Variants in TAOK3 observed in about 807,000 individuals in gnomAD.
The protein encoded by TAOK3 is serine/threonine-protein kinase TAO3.
Under a neutral mutation model 120.4 loss-of-function variants are expected in TAOK3, and 40 were observed. The ratio of observed to expected loss-of-function variants is 0.33; its 90% CI spans 0.26 to 0.43. TAOK3 has a LOEUF of 0.43. TAOK3 is among the 20% of genes least tolerant of loss of function. TAOK3 has a pLI of 1.00. For synonymous variants in TAOK3, 355 were observed against 387.5 expected, an observed-to-expected ratio of 0.92 and a Z score of 0.99; for missense variants, 821 against 1,112.1, an observed-to-expected ratio of 0.74 and a Z score of 3.72.
At chr12:118,182,958 T>C (rs534978467) in intron 14 of TAOK3, among the ~76,000 whole-genome samples, 1 of 152,148 alleles carries the variant, frequency 6.6e-6, no homozygotes, top group African/African-American at 2.4e-5. Flanking sequence ...TATTAAATCT[T>C]TTGTGATTTT....
chr12:118,339,622 G>A, intron 1 of TAOK3, among the ~76,000 whole-genome samples: 1 of 150,978 alleles, frequency 6.6e-6, no homozygotes, highest in African/African-American at 2.4e-5. Context: ...CTGGAATGCA[G>A]TGGTGCGATC....
At chr12:118,350,373 AC>A (rs2045081741) in intron 1 of TAOK3, among the ~76,000 whole-genome samples, 1 of 150,154 alleles carries the variant, frequency 6.7e-6, no homozygotes. Context: ...ATCAGTATAC[AC>A]CCCTGTAAAG....
At chr12:118,298,946 T>A (rs2042778087) in intron 1 of TAOK3, among the ~76,000 whole-genome samples, 1 of 152,202 alleles carries the variant, frequency 6.6e-6, no homozygotes, top group South Asian at 2.1e-4. Flanking sequence ...GCCCATAATC[T>A]ATATCCTGGA....
chr12:118,343,908 A>C (rs2044738049), intron 1 of TAOK3, among the ~76,000 whole-genome samples: 2 of 151,888 alleles, frequency 1.3e-5, no homozygotes, highest in African/African-American at 4.8e-5. Context: ...GCTACTCAGG[A>C]GGCTGAGGCA....
In TAOK3 at chr12:118,309,084, T is replaced by C. The variant is rs1431084944; in HGVS notation, c.-193-42325A>G. Among the ~76,000 whole-genome samples the C allele has an allele frequency of 2.0e-5, 3 of 151,892 alleles. No individual in the cohort carries two copies. The East Asian group carries it at 5.8e-4, about 29-fold the overall frequency. On this transcript the variant is annotated intron_variant, in intron 1 of 20. Transcript: ENST00000392533. ...TGGCTCACGCCTGTAATCCCAGCAC[T>C]TTGGGAGGCCAAGGAGGGCGGGTCA...
chr12:118,216,843 G>T (rs1457345702), intron 9 of TAOK3, among the ~76,000 whole-genome samples: 3 of 151,040 alleles, frequency 2.0e-5, no homozygotes, highest in African/African-American at 7.3e-5. Flanking sequence ...GCAGGAGAAT[G>T]GCGTGAACCC....
chr12:118,284,054 T>A lies in TAOK3; in HGVS notation c.-193-17295A>T, dbSNP rs118033135. 6.8e-3 allele frequency among the ~76,000 whole-genome samples: 1,032 copies of A among 152,276 alleles called. 35 individuals carry two copies. Among genetic ancestry groups the A allele is most frequent in the Admixed American group, 0.045 (695 of 15,288 alleles). ...TACAGGCCGGACAAAGAATATTTTG[T>A]TTAAAAATATTGTGCACACATCACA... On this transcript the variant is annotated intron_variant, in intron 1 of 20. Transcript: ENST00000392533.
At chr12:118,156,841 G>A (rs1186956366) in intron 19 of TAOK3, among the ~76,000 whole-genome samples, 1 of 151,890 alleles carries the variant, frequency 6.6e-6, no homozygotes, top group Non-Finnish European at 1.5e-5. Flanking sequence ...GGGTCCAAGC[G>A]ATTCTCCCGC....
In TAOK3 at chr12:118,372,290, C is replaced by T. The variant is rs537349719; in HGVS notation, c.-194+358G>A. On this transcript the variant is annotated intron_variant, in intron 1 of 20. Transcript: ENST00000392533. The surrounding 1 kb of genome is among the most constrained non-coding windows in gnomAD (Gnocchi z 4.6). ...CCCTGACCTTTTCTGGGACCTGGTC[C>T]TTCAGGGGACCCCCTCCCCTCATCC... 6.6e-6 allele frequency among the ~76,000 whole-genome samples: 1 copy of T among 151,372 alleles called. No individual in the cohort carries two copies. The highest frequency in any genetic ancestry group is 6.6e-5 in the Admixed American group (1 of 15,222).
At position 118,372,106 on chromosome 12, in the gene TAOK3, G is replaced by A. The variant is rs2045915390; in HGVS notation, c.-194+542C>T. ...TCCCCTGTCTTCACATCCCCTGACC[G>A]GTCCCCTCTCTTTACTCTGTCCTGG... On this transcript the variant is annotated intron_variant, in intron 1 of 20. Transcript: ENST00000392533. The surrounding 1 kb of genome is among the most constrained non-coding windows in gnomAD (Gnocchi z 4.6). Among the ~76,000 whole-genome samples, 3 of 151,288 alleles carry A rather than the reference G, an allele frequency of 2.0e-5. No individual in the cohort carries two copies. In the South Asian group the frequency reaches 6.3e-4, roughly 32 times the overall value.
intron 1 of TAOK3, among the ~76,000 whole-genome samples, chr12:118,317,386 C>G (rs185322329): frequency 1.5e-3 from 224 of 151,386 alleles, no homozygotes; most frequent in African/African-American, 5.3e-3. Context: ...ACAAGCTCCG[C>G]CTTCTGGGTT....
At chr12:118,183,802 T>A (rs754447631) in intron 14 of TAOK3, among the ~76,000 whole-genome samples, 2 of 152,234 alleles carry the variant, frequency 1.3e-5, no homozygotes, top group African/African-American at 2.4e-5. Flanking sequence ...TATTTTAGCA[T>A]TCCTTCTTTA....
intron 1 of TAOK3, among the ~76,000 whole-genome samples, chr12:118,329,361 T>C (rs2044056377): frequency 6.6e-6 from 1 of 152,202 alleles, no homozygotes; most frequent in African/African-American, 2.4e-5. Flanking sequence ...ATTTGTGTCC[T>C]GAAGGATACG....
rs369429651 is a variant in TAOK3 at position 118,172,573 on chromosome 12, C to T, written c.1783G>A (p.Glu595Lys). Residue 595 changes from glutamate (E) to lysine (K), a missense_variant, in exon 17 of 21, where the codon GAA becomes AAA. Physicochemically the swap from Glu to Lys is moderately conservative, Grantham distance 56. This residue lies in a region of TAOK3 where 354 missense variants were observed against 572.1 expected (regional missense o/e 0.62). Coordinates refer to ENST00000392533, the MANE Select transcript of TAOK3 (RefSeq NM_016281.4). ...TGAGTGAGAAGGTGGGCTTCCTCTTCAGCCTGTGTGTGCTGCAAGTTCTCT... is the reference window on the plus strand; with the variant it reads ...TGAGTGAGAAGGTGGGCTTCCTCTTTAGCCTGTGTGTGCTGCAAGTTCTCT... ...HKENLQHTQA[E>K]EEAHLLTQQR... 2 of 1,614,222 alleles carry T rather than the reference C, an allele frequency of 1.2e-6. No individual in the cohort carries two copies. Among genetic ancestry groups the T allele is most frequent in the Non-Finnish European group, 1.7e-6 (2 of 1,180,034 alleles).
At chr12:118,175,115 C>G (rs1439451133) in intron 16 of TAOK3, among the ~76,000 whole-genome samples, 1 of 152,190 alleles carries the variant, frequency 6.6e-6, no homozygotes, top group Non-Finnish European at 1.5e-5. Context: ...ATTCTCTCTA[C>G]ACCCGGGTTT....
chr12:118,228,333 G>A (rs1266357816), intron 9 of TAOK3, among the ~76,000 whole-genome samples: 1 of 151,874 alleles, frequency 6.6e-6, no homozygotes, highest in Non-Finnish European at 1.5e-5. Flanking sequence ...TGTATTTTTA[G>A]TAGAGATGGG....
At chr12:118,164,544 A>C (rs2138471023) in intron 17 of TAOK3, among the ~76,000 whole-genome samples, 1 of 151,742 alleles carries the variant, frequency 6.6e-6, no homozygotes, top group South Asian at 2.1e-4. Context: ...CAGCCTCCCG[A>C]GTAGCTGGGA....
rs774825772 is a variant in TAOK3 at position 118,152,446 on chromosome 12, TGCCTACAGCCCTTGGTG to T, written c.2353-54_2353-38del. The T allele has an allele frequency of 4.7e-5, 74 of 1,571,970 alleles. No homozygotes were observed. The Middle Eastern group carries it at 7.2e-4, about 15-fold the overall frequency. On this transcript the variant is annotated intron_variant, in intron 19 of 20. Coordinates refer to ENST00000392533, the MANE Select transcript of TAOK3 (RefSeq NM_016281.4). ...GAAGACACACACGGTCATGCACCCT[TGCCTACAGCCCTTGGTG>T]GCCTACAGCCCTTGGTGACTACTGG...
chr12:118,322,624 T>C lies in TAOK3; in HGVS notation c.-194+50024A>G, dbSNP rs147248256. On this transcript the variant is annotated intron_variant, in intron 1 of 20. Coordinates refer to ENST00000392533, the MANE Select transcript of TAOK3 (RefSeq NM_016281.4). ...GTGTGTTCCAATAAAACGTTGCTTA[T>C]GAACATTGAAATTTGAATTTCGTAT... Among the ~76,000 whole-genome samples the C allele has an allele frequency of 8.1e-3, 1,229 of 151,886 alleles. 20 individuals carry two copies. The highest frequency in any genetic ancestry group is 0.028 in the African/African-American group (1,145 of 41,426).
Sources: allele counts gnomAD v4.1 joint callset (sites outside exome capture counted in the v4.1 genomes callset), GRCh38; gene constraint gnomAD v4.1.1; regional missense constraint gnomAD v4.1.1; non-coding constraint Gnocchi (gnomAD v3.1); transcripts MANE v1.5; gene names NCBI Gene and HGNC (gene_info 2026-07-23, HGNC 2026-07-21).